Variants in NAALADL2 observed in about 807,000 individuals in gnomAD.
NAALADL2 encodes the protein inactive N-acetylated-alpha-linked acidic dipeptidase-like protein 2.
NAALADL2 carries 76 observed loss-of-function variants against 87.2 expected under a neutral mutation model. The observed-to-expected ratio is 0.87, with a 90% CI of 0.72 to 1.05. The LOEUF (loss-of-function observed/expected upper bound fraction) is 1.05, where lower values mean the gene tolerates loss of function less well. Ranked by LOEUF, NAALADL2 falls within the 50% of genes least tolerant of loss-of-function variation. The probability of loss-of-function intolerance (pLI) is 0.00; values close to 1 mark genes in which losing one functional copy is unlikely to be tolerated. For missense variants in NAALADL2, 1,089 were observed against 945.8 expected, an observed-to-expected ratio of 1.15 and a Z score of -1.99; for synonymous variants, 354 against 331.0, an observed-to-expected ratio of 1.07 and a Z score of -0.75.
At chr3:174,790,686 T>G (rs192461719) in intron 3 of NAALADL2, among the ~76,000 whole-genome samples, 1 of 152,194 alleles carries the variant, frequency 6.6e-6, no homozygotes, top group Non-Finnish European at 1.5e-5. Flanking sequence ...AAAAAATCAT[T>G]TTGTGTCCTG....
chr3:175,004,228 GTAAA>G (rs112407111), intron 1 of NAALADL2, among the ~76,000 whole-genome samples: 3 of 151,836 alleles, frequency 2.0e-5, no homozygotes, highest in Non-Finnish European at 2.9e-5. Context: ...AAGTAAGTAA[GTAAA>G]TAAATAAATA....
At chr3:174,462,725 C>A (rs964414173) in intron 1 of NAALADL2, among the ~76,000 whole-genome samples, 4 of 152,094 alleles carry the variant, frequency 2.6e-5, no homozygotes, top group Admixed American at 1.3e-4. Flanking sequence ...TTGAAAGGAC[C>A]ATTTAAACAA....
At chr3:175,614,354 C>T (rs1008722370) in intron 10 of NAALADL2, among the ~76,000 whole-genome samples, 1 of 152,110 alleles carries the variant, frequency 6.6e-6, no homozygotes, top group Non-Finnish European at 1.5e-5. Flanking sequence ...CTCGGCCTGG[C>T]GTGCCAGAAT....
At chr3:175,070,502 TTGA>T (rs1715430461) in intron 1 of NAALADL2, among the ~76,000 whole-genome samples, 1 of 152,020 alleles carries the variant, frequency 6.6e-6, no homozygotes, top group African/African-American at 2.4e-5. Context: ...CTTCAGCTCA[TTGA>T]TGAAGTAAAG....
intron 12 of NAALADL2, among the ~76,000 whole-genome samples, chr3:175,752,871 CTGT>C (rs2150127500): frequency 6.6e-6 from 1 of 152,154 alleles, no homozygotes; most frequent in South Asian, 2.1e-4. Context: ...CTTGTTTTTT[CTGT>C]TGTTCAGTCT....
intron 2 of NAALADL2, among the ~76,000 whole-genome samples, chr3:174,687,621 T>C (rs1167358193): frequency 1.3e-5 from 2 of 152,078 alleles, no homozygotes; most frequent in Non-Finnish European, 2.9e-5. Context: ...AATAAAATAA[T>C]TAGGAAGTGA....
At chr3:174,722,611 A>C (rs1415567612) in intron 2 of NAALADL2, among the ~76,000 whole-genome samples, 2 of 152,196 alleles carry the variant, frequency 1.3e-5, no homozygotes, top group African/African-American at 2.4e-5. Flanking sequence ...CTGAGGCAGG[A>C]GAATCGCTTG....
intron 9 of NAALADL2, among the ~76,000 whole-genome samples, chr3:175,486,316 A>T (rs1346956486): frequency 6.6e-6 from 1 of 152,074 alleles, no homozygotes; most frequent in Non-Finnish European, 1.5e-5. Context: ...TTTTTCTGGG[A>T]CGGGACAGGC....
intron 12 of NAALADL2, among the ~76,000 whole-genome samples, chr3:175,752,023 C>T (rs1419267263): frequency 2.0e-5 from 3 of 151,896 alleles, no homozygotes; most frequent in Non-Finnish European, 2.9e-5. Context: ...TCATTATGCA[C>T]CAAACATCTC....
At chr3:174,709,725 A>G (rs1453467326) in intron 2 of NAALADL2, among the ~76,000 whole-genome samples, 1 of 152,210 alleles carries the variant, frequency 6.6e-6, no homozygotes, top group Non-Finnish European at 1.5e-5. Flanking sequence ...TATTATTTGC[A>G]GAAACTACTA....
intron 2 of NAALADL2, among the ~76,000 whole-genome samples, chr3:174,598,570 C>T (rs1406517382): frequency 1.3e-5 from 2 of 152,042 alleles, no homozygotes; most frequent in Non-Finnish European, 2.9e-5. Context: ...ATTTTTAAAT[C>T]GGTTAAGCAA....
chr3:175,632,309 T>A (rs536585465), intron 11 of NAALADL2, among the ~76,000 whole-genome samples: 3,741 of 141,336 alleles, frequency 0.026, 62 homozygotes, highest in Non-Finnish European at 0.038. Context: ...TCTCTCTCTC[T>A]CCTACTCCCT....
At chr3:174,522,739 C>T (rs1333109380) in intron 1 of NAALADL2, among the ~76,000 whole-genome samples, 2 of 151,698 alleles carry the variant, frequency 1.3e-5, no homozygotes, top group African/African-American at 4.8e-5. Flanking sequence ...TCGAGACCAT[C>T]CTGGCTAACA....
chr3:175,807,526 T>C lies in NAALADL2; in HGVS notation c.*4323T>C, dbSNP rs1176990522. The C allele has an allele frequency of 6.6e-6, 1 of 151,912 alleles. No homozygotes were observed. The highest frequency in any genetic ancestry group is 6.6e-5 in the Admixed American group (1 of 15,186). The allele number at this position is 151,912 out of a possible 1,614,324, so 9.4% of individuals were successfully genotyped here. On this transcript the variant is annotated 3_prime_UTR_variant, in exon 14 of 14. Transcript: ENST00000454872. Reference sequence around the variant, plus strand: ...GGGTAACACATTGTCATCTCATTGGTTTAATGGGCTATTTAAATGTGCCTT... The same window carrying C: ...GGGTAACACATTGTCATCTCATTGGCTTAATGGGCTATTTAAATGTGCCTT...
intron 1 of NAALADL2, among the ~76,000 whole-genome samples, chr3:174,930,560 GTTATA>G (rs896976683): frequency 7.3e-6 from 1 of 137,796 alleles, no homozygotes; most frequent in Non-Finnish European, 1.5e-5. Context: ...AAAGTATAAT[GTTATA>G]TTATATACCA....
chr3:174,808,052 G>GA (rs1719713388), intron 3 of NAALADL2, among the ~76,000 whole-genome samples: 1 of 151,988 alleles, frequency 6.6e-6, no homozygotes, highest in Non-Finnish European at 1.5e-5. Context: ...TAAAAATATT[G>GA]AAATTCTGCA....
intron 1 of NAALADL2, among the ~76,000 whole-genome samples, chr3:174,919,150 C>T (rs181945067): frequency 6.6e-6 from 1 of 152,070 alleles, no homozygotes; most frequent in African/African-American, 2.4e-5. Context: ...CTGGCCTTGG[C>T]GTTGATGGCT....
At chr3:175,270,371 T>C (rs1357451271) in intron 4 of NAALADL2, among the ~76,000 whole-genome samples, 1 of 152,132 alleles carries the variant, frequency 6.6e-6, no homozygotes, top group Non-Finnish European at 1.5e-5. Flanking sequence ...AACTAGTAGG[T>C]TGGATATGGT....
intron 2 of NAALADL2, among the ~76,000 whole-genome samples, chr3:175,185,603 A>G (rs2109019261): frequency 6.6e-6 from 1 of 151,930 alleles, no homozygotes; most frequent in Admixed American, 6.6e-5. Context: ...CCATGCATGG[A>G]GATAATTAAT....
Sources: allele counts gnomAD v4.1 joint callset (sites outside exome capture counted in the v4.1 genomes callset), GRCh38; gene constraint gnomAD v4.1.1; transcripts MANE v1.5; gene names NCBI Gene and HGNC (gene_info 2026-07-23, HGNC 2026-07-21).